PLA2G7: variants seen among roughly 807,000 people sequenced by gnomAD.
The protein encoded by PLA2G7 is platelet-activating factor acetylhydrolase.
Under a neutral mutation model 49.6 loss-of-function variants are expected in PLA2G7, and 63 were observed. The ratio of observed to expected loss-of-function variants is 1.27; its 90% CI spans 1.04 to 1.57. The LOEUF is 1.57. Among genes scored for constraint, PLA2G7 ranks in the 40% most tolerant of loss-of-function variants. PLA2G7 has a pLI of 0.00. For missense variants in PLA2G7, 596 were observed against 521.2 expected (o/e 1.14, Z -1.40); for synonymous variants, 193 against 169.9 (o/e 1.14, Z -1.06).
chr6:46,706,078 A>G (rs990068203), intron 10 of PLA2G7, among the ~76,000 whole-genome samples: 18 of 152,158 alleles, frequency 1.2e-4, no homozygotes, highest in Admixed American at 6.5e-5. Flanking sequence ...TTCTACTTCA[A>G]ATGTTTCATC....
At chr6:46,706,908 T>C (rs1372474704) in intron 10 of PLA2G7, among the ~76,000 whole-genome samples, 1 of 152,224 alleles carries the variant, frequency 6.6e-6, no homozygotes, top group African/African-American at 2.4e-5. Context: ...TAGTGTCATC[T>C]ATGAATCCTT....
At chr6:46,723,442 A>G (rs891128438) in intron 1 of PLA2G7, among the ~76,000 whole-genome samples, 5 of 152,206 alleles carry the variant, frequency 3.3e-5, no homozygotes, top group South Asian at 2.1e-4. Flanking sequence ...ATAAGTTTCC[A>G]AAAAGCAGAA....
At position 46,716,505 on chromosome 6, in the gene PLA2G7, A is replaced by T; in HGVS notation, c.255T>A (p.Tyr85Ter). 1.2e-6 allele frequency: 2 copies of T among 1,613,910 alleles called. No individual in the cohort carries two copies. Among genetic ancestry groups the T allele is most frequent in the Non-Finnish European group, 1.7e-6 (2 of 1,179,818 alleles). The part of the protein sequence containing the change: ...TNKGTFLRLY[Y>*]PSQDNDRLDT... ...CAAGGCGATCATTATCTTGGGATGG[A>T]TAATATAAACGCAAGAAGGTGCCCT... The change falls in exon 4 of 12, where the codon TAT becomes TAA. Residue 85 changes from tyrosine to a stop codon, truncating the protein, a stop_gained. Coordinates refer to ENST00000274793, the MANE Select transcript of PLA2G7 (RefSeq NM_005084.4). LOFTEE classifies it high-confidence loss of function.
chr6:46,720,614 T>C (rs1765365022), intron 2 of PLA2G7, among the ~76,000 whole-genome samples: 1 of 152,114 alleles, frequency 6.6e-6, no homozygotes, highest in Non-Finnish European at 1.5e-5. Context: ...CTGTCAGGAG[T>C]CATCATTAAG....
intron 1 of PLA2G7, among the ~76,000 whole-genome samples, chr6:46,725,470 T>A (rs1765541635): frequency 6.6e-6 from 1 of 152,074 alleles, no homozygotes; most frequent in Admixed American, 6.5e-5. Context: ...GACCTCATGA[T>A]CTGCCCACCT....
intron 9 of PLA2G7, among the ~76,000 whole-genome samples, chr6:46,708,681 T>C (rs1319969598): frequency 6.6e-6 from 1 of 152,154 alleles, no homozygotes; most frequent in Non-Finnish European, 1.5e-5. Context: ...TTTTTAAAAG[T>C]AAGTTTATCC....
At chr6:46,711,400 A>C in intron 7 of PLA2G7, 96 bp downstream of exon 7, 1 of 1,324,200 alleles carries the variant, frequency 7.6e-7, no homozygotes, top group Non-Finnish European at 1.1e-6. Flanking sequence ...GAGAGCTAGG[A>C]GCATAACTTG....
chr6:46,710,429 G>A, intron 8 of PLA2G7, 116 bp downstream of exon 8: 2 of 715,312 alleles, frequency 2.8e-6, no homozygotes, highest in South Asian at 1.5e-5. Flanking sequence ...GCGCATTGGG[G>A]AGGGGGCTGG....
chr6:46,723,297 C>CAT, intron 1 of PLA2G7, among the ~76,000 whole-genome samples: 1 of 152,126 alleles, frequency 6.6e-6, no homozygotes, highest in African/African-American at 2.4e-5. Context: ...GTATGTCTAG[C>CAT]ACATAGTAAA....
chr6:46,720,981 C>G (rs949889356), intron 2 of PLA2G7, among the ~76,000 whole-genome samples: 8 of 152,096 alleles, frequency 5.3e-5, no homozygotes, highest in African/African-American at 1.9e-4. Flanking sequence ...AAAGAATCAC[C>G]TATTATTTTA....
chr6:46,712,320 A>G lies in PLA2G7; in HGVS notation c.488T>C (p.Ile163Thr). 6.2e-7 allele frequency: 1 copy of G among 1,612,058 alleles called. No homozygotes were observed. The highest frequency in any genetic ancestry group is 8.5e-7 in the Non-Finnish European group (1 of 1,178,254). The change falls in exon 6 of 12, where the codon ATT becomes ACT. Residue 163 changes from isoleucine to threonine, a missense_variant. By Grantham distance (89) the Ile-to-Thr change is moderately conservative (BLOSUM62 -1). Coordinates refer to ENST00000274793, the MANE Select transcript of PLA2G7 (RefSeq NM_005084.4). ...LGAFRTLYSA[I>T]GIDLASHGFI... ...CCCATGAGATGCCAGGTCAATGCCA[A>G]TAGCAGAATAAAGTGTCCTTCAAAA... is the stretch of plus-strand genomic sequence containing the variant.
intron 2 of PLA2G7, among the ~76,000 whole-genome samples, chr6:46,719,607 AT>A (rs1233172863): frequency 3.3e-5 from 5 of 152,192 alleles, no homozygotes; most frequent in Non-Finnish European, 5.9e-5. Context: ...TTGGAGGGAC[AT>A]GGTTCTATTT....
Position 46,733,497 on chromosome 6 carries a change from G to A in PLA2G7, c.-35+1683C>T, listed in dbSNP as rs45512504. On this transcript the variant is annotated intron_variant, in intron 1 of 11. Coordinates refer to ENST00000274793, the MANE Select transcript of PLA2G7 (RefSeq NM_005084.4). ...TATGGTGCCAGCCTTGGGTATGAAG[G>A]GCCCAGTTCAATGAAGAAAGACATT... Among the ~76,000 whole-genome samples, 220 of 152,304 alleles carry A rather than the reference G, an allele frequency of 1.4e-3. 1 individual carries two copies. Among genetic ancestry groups the A allele is most frequent in the African/African-American group, 5.1e-3 (214 of 41,562 alleles).
At chr6:46,714,386 G>A (rs953889991) in intron 5 of PLA2G7, 74 bp downstream of exon 5, 3 of 904,566 alleles carry the variant, frequency 3.3e-6, no homozygotes, top group African/African-American at 3.3e-5. Flanking sequence ...TCCAAACTCT[G>A]CTATTTCTTT....
intron 1 of PLA2G7, among the ~76,000 whole-genome samples, chr6:46,731,168 G>C (rs1765723609): frequency 1.3e-5 from 2 of 152,122 alleles, no homozygotes; most frequent in African/African-American, 2.4e-5. Flanking sequence ...GCAGTTACTT[G>C]TCCTGTCTCT....
intron 1 of PLA2G7, among the ~76,000 whole-genome samples, chr6:46,728,817 T>A (rs1271068028): frequency 6.6e-6 from 1 of 152,184 alleles, no homozygotes; most frequent in Non-Finnish European, 1.5e-5. Context: ...TAGGTTAAGG[T>A]CATGGGTATA....
At chr6:46,717,958 C>G (rs376675383) in intron 2 of PLA2G7, among the ~76,000 whole-genome samples, 6 of 152,118 alleles carry the variant, frequency 3.9e-5, no homozygotes, top group African/African-American at 1.4e-4. Flanking sequence ...CCTCGTGATC[C>G]GCCCACCTCA....
chr6:46,732,373 A>G (rs982805545), intron 1 of PLA2G7, among the ~76,000 whole-genome samples: 2 of 60,232 alleles, frequency 3.3e-5, no homozygotes, highest in Non-Finnish European at 6.3e-5. Flanking sequence ...ACACATACAC[A>G]CACACACACA....
At chr6:46,730,520 C>T (rs918892570) in intron 1 of PLA2G7, among the ~76,000 whole-genome samples, 2 of 152,078 alleles carry the variant, frequency 1.3e-5, no homozygotes, top group African/African-American at 4.8e-5. Context: ...TTAAATGAAT[C>T]AAACAGGTTC....
Sources: gnomAD v4.1 joint callset for allele counts (sites outside exome capture counted in the v4.1 genomes callset) on GRCh38, gnomAD v4.1.1 for gene constraint, MANE v1.5 for transcripts, NCBI Gene and HGNC (gene_info 2026-07-23, HGNC 2026-07-21) for gene names.